CNTN5: variants seen among roughly 807,000 people sequenced by gnomAD.
The protein encoded by CNTN5 is contactin 5, also known as contactin-5.
In CNTN5, 77 loss-of-function variants were observed where a neutral mutation model predicts 129.1. The ratio of observed to expected loss-of-function variants is 0.60; its 90% CI spans 0.50 to 0.72. The LOEUF (loss-of-function observed/expected upper bound fraction) is 0.72. CNTN5 is among the 30% of genes least tolerant of loss of function. The pLI, the probability that CNTN5 is intolerant of heterozygous loss-of-function variation, is 0.00. For missense variants in CNTN5, 1,478 were observed against 1,328.8 expected (o/e 1.11, Z -1.75); for synonymous variants, 509 against 465.6 (o/e 1.09, Z -1.20).
At chr11:99,244,338 G>A (rs1283389198) in intron 1 of CNTN5, among the ~76,000 whole-genome samples, 1 of 152,114 alleles carries the variant, frequency 6.6e-6, no homozygotes, top group Non-Finnish European at 1.5e-5. Context: ...TTGTTTATCA[G>A]TTCCAGGAGA....
intron 20 of CNTN5, among the ~76,000 whole-genome samples, chr11:100,304,823 A>T (rs1424672272): frequency 2.0e-5 from 3 of 150,714 alleles, no homozygotes; most frequent in Non-Finnish European, 4.4e-5. Flanking sequence ...TGATTTCTTC[A>T]TCTGAAAAAT....
intron 13 of CNTN5, among the ~76,000 whole-genome samples, chr11:100,130,532 G>A (rs201857948): frequency 6.6e-6 from 1 of 152,144 alleles, no homozygotes; most frequent in East Asian, 1.9e-4. Flanking sequence ...AGTATCCAGT[G>A]GCAAAAGATG....
chr11:99,464,952 T>G (rs1280667368), intron 2 of CNTN5, among the ~76,000 whole-genome samples: 1 of 152,202 alleles, frequency 6.6e-6, no homozygotes, highest in Non-Finnish European at 1.5e-5. Context: ...AGCATTTTGC[T>G]TTATTTTTTA....
At chr11:99,463,292 G>T (rs1591102911) in intron 2 of CNTN5, among the ~76,000 whole-genome samples, 1 of 150,748 alleles carries the variant, frequency 6.6e-6, no homozygotes, top group African/African-American at 2.4e-5. Context: ...CAAAAAATTA[G>T]CTGGGCGTGG....
At chr11:99,459,973 G>A (rs1189547719) in intron 2 of CNTN5, among the ~76,000 whole-genome samples, 1 of 151,896 alleles carries the variant, frequency 6.6e-6, no homozygotes, top group East Asian at 1.9e-4. Flanking sequence ...GAAATTAGGA[G>A]CAGAGATTAT....
chr11:99,060,867 G>A (rs537176648), intron 1 of CNTN5, among the ~76,000 whole-genome samples: 14 of 152,184 alleles, frequency 9.2e-5, no homozygotes, highest in Middle Eastern at 3.4e-3. Context: ...CTTTTGAAGA[G>A]GCAGCAAAAG....
At chr11:99,323,061 G>A (rs982066123) in intron 1 of CNTN5, among the ~76,000 whole-genome samples, 1 of 152,088 alleles carries the variant, frequency 6.6e-6, no homozygotes, top group East Asian at 1.9e-4. Context: ...GGTTGGCAAA[G>A]GTCATTCTTT....
intron 2 of CNTN5, among the ~76,000 whole-genome samples, chr11:99,345,468 C>T (rs1359452081): frequency 2.0e-5 from 3 of 152,086 alleles, no homozygotes; most frequent in Non-Finnish European, 2.9e-5. Context: ...TGCCCTCATC[C>T]CTGTGGTGGA....
intron 9 of CNTN5, among the ~76,000 whole-genome samples, chr11:100,028,023 C>A (rs1366519281): frequency 6.6e-6 from 1 of 152,008 alleles, no homozygotes; most frequent in African/African-American, 2.4e-5. Context: ...AATAAAGTTA[C>A]CTGCATTTGG....
chr11:99,236,793 T>C (rs1861295214), intron 1 of CNTN5, among the ~76,000 whole-genome samples: 1 of 152,158 alleles, frequency 6.6e-6, no homozygotes, highest in African/African-American at 2.4e-5. Context: ...TTAACAGTTT[T>C]ATTTGCATAT....
At chr11:99,447,021 G>T (rs559059863) in intron 2 of CNTN5, among the ~76,000 whole-genome samples, 1 of 152,234 alleles carries the variant, frequency 6.6e-6, no homozygotes, top group Non-Finnish European at 1.5e-5. Context: ...CAAGCCTACT[G>T]TTGTTCATAG....
chr11:100,211,654 A>G (rs1406361086), intron 15 of CNTN5, among the ~76,000 whole-genome samples: 1 of 152,192 alleles, frequency 6.6e-6, no homozygotes, highest in Non-Finnish European at 1.5e-5. Flanking sequence ...TTAGCCATAC[A>G]AGTTGATTAG....
intron 1 of CNTN5, among the ~76,000 whole-genome samples, chr11:99,093,990 G>T (rs780077786): frequency 4.6e-5 from 7 of 151,748 alleles, no homozygotes; most frequent in Non-Finnish European, 7.4e-5. Context: ...TAACATATAA[G>T]ATAATATAAT....
chr11:99,537,238 T>C (rs1235410373), intron 2 of CNTN5, among the ~76,000 whole-genome samples: 5 of 152,162 alleles, frequency 3.3e-5, no homozygotes, highest in Admixed American at 6.6e-5. Context: ...TATTAAGAAA[T>C]CTAACTTGAG....
At chr11:99,374,112 T>G (rs1314669959) in intron 2 of CNTN5, among the ~76,000 whole-genome samples, 2 of 152,210 alleles carry the variant, frequency 1.3e-5, no homozygotes, top group Non-Finnish European at 2.9e-5. Flanking sequence ...CATTTGCAAT[T>G]CGCTAACTGG....
intron 4 of CNTN5, among the ~76,000 whole-genome samples, chr11:99,831,597 A>G (rs933928281): frequency 4.6e-5 from 7 of 151,716 alleles, no homozygotes; most frequent in African/African-American, 1.7e-4. Flanking sequence ...CTGGCAGCAG[A>G]CTGCCAGTGA....
chr11:100,069,294 A>T (rs1943812154), intron 10 of CNTN5, among the ~76,000 whole-genome samples: 1 of 152,022 alleles, frequency 6.6e-6, no homozygotes, highest in Non-Finnish European at 1.5e-5. Flanking sequence ...CTGGACCGAT[A>T]GGCATGTGCC....
chr11:99,723,965 C>T (rs750886233), intron 3 of CNTN5, among the ~76,000 whole-genome samples: 47 of 152,110 alleles, frequency 3.1e-4, no homozygotes, highest in Non-Finnish European at 3.5e-4. Flanking sequence ...TAAGCATGTA[C>T]CAAATTAAGT....
At chr11:99,308,782 A>G (rs896998703) in intron 1 of CNTN5, among the ~76,000 whole-genome samples, 7 of 152,134 alleles carry the variant, frequency 4.6e-5, no homozygotes, top group Non-Finnish European at 1.0e-4. Context: ...TTATGTTAGT[A>G]CTTCTGCCCA....
Sources: allele counts gnomAD v4.1 joint callset (sites outside exome capture counted in the v4.1 genomes callset), GRCh38; gene constraint gnomAD v4.1.1; transcripts MANE v1.5; gene names NCBI Gene and HGNC (gene_info 2026-07-23, HGNC 2026-07-21).